FHIT: variants seen among roughly 807,000 people sequenced by gnomAD.
The protein encoded by FHIT is bis(5'-adenosyl)-triphosphatase.
Under a neutral mutation model 17.9 loss-of-function variants are expected in FHIT, and 19 were observed. That is an observed-to-expected ratio of 1.06 (90% CI 0.74 to 1.56). The LOEUF is 1.56. FHIT is among the 40% of genes most tolerant of loss of function. FHIT has a pLI of 0.00. For missense variants in FHIT, 248 were observed against 189.2 expected (o/e 1.31, Z -1.82); for synonymous variants, 81 against 69.7 (o/e 1.16, Z -0.81).
At chr3:61,200,912 T>A (rs1177144502) in intron 1 of FHIT, among the ~76,000 whole-genome samples, 1 of 152,222 alleles carries the variant, frequency 6.6e-6, no homozygotes, top group Admixed American at 6.5e-5. Context: ...TACAGTCAAA[T>A]CTTTTGGAGT....
At chr3:60,401,336 T>C (rs956357136) in intron 5 of FHIT, among the ~76,000 whole-genome samples, 1 of 152,204 alleles carries the variant, frequency 6.6e-6, no homozygotes, top group African/African-American at 2.4e-5. Flanking sequence ...CTTTCCTTCC[T>C]GATCTGCATC....
At chr3:60,087,913 T>C (rs923968984) in intron 5 of FHIT, among the ~76,000 whole-genome samples, 2 of 152,216 alleles carry the variant, frequency 1.3e-5, no homozygotes, top group African/African-American at 4.8e-5. Context: ...TCTGTCTTAG[T>C]TCATTTTGTA....
At chr3:60,634,241 T>C (rs910947973) in intron 4 of FHIT, among the ~76,000 whole-genome samples, 8 of 151,978 alleles carry the variant, frequency 5.3e-5, no homozygotes, top group African/African-American at 1.9e-4. Flanking sequence ...TCATTTGCTA[T>C]CCTGAACTTA....
Position 60,007,628 on chromosome 3 carries a change from C to T in FHIT, c.279+3743G>A, listed in dbSNP as rs776416066. 8.5e-5 allele frequency among the ~76,000 whole-genome samples: 13 copies of T among 152,064 alleles called. No individual in the cohort carries two copies. In the East Asian group the frequency reaches 1.5e-3, roughly 18 times the overall value. ...ACAGATTAACGAGAGGAAAGCCTAA[C>T]GAATATATTTAATATAAATTTTATG... is the stretch of plus-strand genomic sequence containing the variant. On this transcript the variant is annotated intron_variant, in intron 7 of 9. Transcript: ENST00000492590.
intron 5 of FHIT, among the ~76,000 whole-genome samples, chr3:60,252,508 GC>G (rs1415878920): frequency 6.6e-6 from 1 of 152,098 alleles, no homozygotes; most frequent in Non-Finnish European, 1.5e-5. Flanking sequence ...AGGCTGCACT[GC>G]GGCATGATCA....
At chr3:61,164,429 C>T (rs746854948) in intron 2 of FHIT, among the ~76,000 whole-genome samples, 7 of 152,156 alleles carry the variant, frequency 4.6e-5, no homozygotes, top group East Asian at 1.9e-4. Flanking sequence ...TATCAACAAT[C>T]GCTTCAGGTG....
intron 5 of FHIT, among the ~76,000 whole-genome samples, chr3:60,396,788 T>C (rs1241662650): frequency 6.6e-6 from 1 of 152,206 alleles, no homozygotes; most frequent in African/African-American, 2.4e-5. Context: ...TAATTTTCTA[T>C]TATGTGAATT....
chr3:60,229,454 G>T (rs1474859152), intron 5 of FHIT, among the ~76,000 whole-genome samples: 2 of 150,658 alleles, frequency 1.3e-5, no homozygotes, highest in East Asian at 3.9e-4. Context: ...GAAAAGAAAA[G>T]AAAGAAAGAA....
chr3:59,823,601 T>C (rs1430593049), intron 8 of FHIT, among the ~76,000 whole-genome samples: 2 of 151,972 alleles, frequency 1.3e-5, no homozygotes, highest in Non-Finnish European at 2.9e-5. Flanking sequence ...AAAAATCACA[T>C]GATCATCTCA....
intron 3 of FHIT, among the ~76,000 whole-genome samples, chr3:60,835,157 C>T (rs1575581955): frequency 1.3e-5 from 2 of 152,100 alleles, no homozygotes; most frequent in Admixed American, 1.3e-4. Context: ...ACTGGGTAGA[C>T]TGATTGCTCC....
chr3:60,469,325 C>G (rs546815951), intron 5 of FHIT, among the ~76,000 whole-genome samples: 3 of 152,136 alleles, frequency 2.0e-5, no homozygotes, highest in African/African-American at 7.2e-5. Flanking sequence ...ATTCTGCAGG[C>G]ATGCTTCATT....
chr3:60,964,880 A>C (rs1210762390), intron 3 of FHIT, among the ~76,000 whole-genome samples: 1 of 151,998 alleles, frequency 6.6e-6, no homozygotes, highest in Non-Finnish European at 1.5e-5. Context: ...CCTTCATTTC[A>C]ACTTTGGTGA....
intron 2 of FHIT, among the ~76,000 whole-genome samples, chr3:61,070,960 T>C (rs2034785996): frequency 6.6e-6 from 1 of 152,212 alleles, no homozygotes; most frequent in African/African-American, 2.4e-5. Context: ...AAATAACTTG[T>C]CTGAATATTT....
chr3:60,946,138 AT>A (rs1439863265), intron 3 of FHIT, among the ~76,000 whole-genome samples: 2 of 152,202 alleles, frequency 1.3e-5, no homozygotes, highest in Non-Finnish European at 2.9e-5. Context: ...AGGATGACGG[AT>A]TGTACATAAA....
Position 60,027,146 on chromosome 3 carries a change from C to G in FHIT, c.104-12994G>C, listed in dbSNP as rs201957587. On this transcript the variant is annotated intron_variant, in intron 5 of 9. Coordinates refer to ENST00000492590, the MANE Select transcript of FHIT (RefSeq NM_002012.4). Reference sequence around the variant, plus strand: ...ACACACACACACACACACACACACACACAAAATTAGTAAACCCAATAATCC... The same window carrying G: ...ACACACACACACACACACACACACAGACAAAATTAGTAAACCCAATAATCC... Among the ~76,000 whole-genome samples, 639 of 122,892 alleles carry G rather than the reference C, an allele frequency of 5.2e-3. 17 individuals carry two copies. The highest frequency in any genetic ancestry group is 0.018 in the African/African-American group (606 of 33,912). The allele number at this position is 122,892 out of a possible 152,430, so 80.6% of individuals were successfully genotyped here.
chr3:60,614,974 C>T (rs1253638855), intron 4 of FHIT, among the ~76,000 whole-genome samples: 5 of 151,578 alleles, frequency 3.3e-5, no homozygotes, highest in Non-Finnish European at 5.9e-5. Flanking sequence ...GGACTACAGG[C>T]GCCCACAACC....
At chr3:60,897,843 G>C (rs1705909842) in intron 3 of FHIT, among the ~76,000 whole-genome samples, 1 of 152,078 alleles carries the variant, frequency 6.6e-6, no homozygotes, top group Non-Finnish European at 1.5e-5. Context: ...TCTTTCTCTA[G>C]AGCAAATAAG....
intron 3 of FHIT, among the ~76,000 whole-genome samples, chr3:61,040,602 G>A (rs978477934): frequency 4.2e-5 from 6 of 141,780 alleles, no homozygotes; most frequent in Non-Finnish European, 6.3e-5. Context: ...TTTTCTAATC[G>A]TTAATCTTTA....
intron 4 of FHIT, among the ~76,000 whole-genome samples, chr3:60,588,118 C>A (rs186013100): frequency 2.6e-4 from 40 of 152,110 alleles, no homozygotes; most frequent in African/African-American, 9.6e-4. Context: ...CCATCATTCA[C>A]GTGGACCAAG....
Sources: allele counts gnomAD v4.1 joint callset (sites outside exome capture counted in the v4.1 genomes callset), GRCh38; gene constraint gnomAD v4.1.1; transcripts MANE v1.5; gene names NCBI Gene and HGNC (gene_info 2026-07-23, HGNC 2026-07-21).